HNRNPM: variants seen among roughly 807,000 people sequenced by gnomAD.
HNRNPM encodes the protein CEA receptor.
A neutral mutation model predicts 73.1 loss-of-function variants in HNRNPM; 11 were observed. The ratio of observed to expected loss-of-function variants is 0.15; its 90% CI spans 0.09 to 0.25. The LOEUF is 0.25. HNRNPM is among the 10% of genes least tolerant of loss of function. The probability of loss-of-function intolerance (pLI) is 1.00; values close to 1 mark genes in which losing one functional copy is unlikely to be tolerated. For synonymous variants in HNRNPM, 407 were observed against 355.2 expected, an observed-to-expected ratio of 1.15 and a Z score of -1.64; for missense variants, 789 against 1,067.9, an observed-to-expected ratio of 0.74 and a Z score of 3.64.
intron 11 of HNRNPM, 85 bp from the exon 12 acceptor site, chr19:8,474,082 T>C: frequency 1.0e-6 from 1 of 998,444 alleles, no homozygotes; most frequent in Non-Finnish European, 1.5e-6. Flanking sequence ...GATACCCCAG[T>C]TGAAACATGT....
chr19:8,480,978 G>A (rs1422755119), intron 12 of HNRNPM, among the ~76,000 whole-genome samples: 1 of 152,220 alleles, frequency 6.6e-6, no homozygotes, highest in Non-Finnish European at 1.5e-5. Context: ...TGAGTAAGGT[G>A]ATCTCGTCAG....
At chr19:8,468,156 AGTGATCC>A (rs1969885832) in intron 8 of HNRNPM, among the ~76,000 whole-genome samples, 1 of 152,256 alleles carries the variant, frequency 6.6e-6, no homozygotes, top group Admixed American at 6.5e-5. Flanking sequence ...TGGTTGAGCA[AGTGATCC>A]GTTTCAAAGA....
intron 12 of HNRNPM, among the ~76,000 whole-genome samples, chr19:8,480,343 CAA>C (rs112165621): frequency 2.8e-5 from 3 of 108,642 alleles, no homozygotes; most frequent in Admixed American, 9.6e-5. Context: ...GACTCCATCT[CAA>C]AAAAAAAAAA....
At position 8,467,530 on chromosome 19, in the gene HNRNPM, AC is replaced by A; in HGVS notation, c.785-3del. The A allele has an allele frequency of 6.2e-7, 1 of 1,609,036 alleles. No individual in the cohort carries two copies. The highest frequency in any genetic ancestry group is 2.2e-5 in the East Asian group (1 of 44,834). Reference sequence around the variant, plus strand: ...TGCAAGAAATAGCCTTAATTGTAATACCAGCTATGTTCAATGGCCAGCTGCT... The same window carrying A: ...TGCAAGAAATAGCCTTAATTGTAATACAGCTATGTTCAATGGCCAGCTGCT... On this transcript the variant is annotated splice_polypyrimidine_tract_variant and splice_region_variant and intron_variant, in intron 7 of 15. Transcript: ENST00000325495.
At chr19:8,483,308 A>C in intron 13 of HNRNPM, 97 bp downstream of exon 13, 1 of 912,380 alleles carries the variant, frequency 1.1e-6, no homozygotes, top group Admixed American at 2.0e-5. Context: ...GTTCTGACAC[A>C]GACTGCCCGG....
chr19:8,481,970 T>C (rs1207743992), intron 12 of HNRNPM, among the ~76,000 whole-genome samples: 1 of 27,294 alleles, frequency 3.7e-5, no homozygotes, highest in Non-Finnish European at 9.5e-5. Flanking sequence ...TTGGTGTCTT[T>C]TTTTTTTTTT....
chr19:8,472,279 A>C (rs566396043), intron 10 of HNRNPM, among the ~76,000 whole-genome samples: 1 of 150,856 alleles, frequency 6.6e-6, no homozygotes, highest in African/African-American at 2.4e-5. Context: ...TTTTGATTCT[A>C]TTAAGGAATA....
chr19:8,449,392 A>G (rs1249319770), intron 1 of HNRNPM, among the ~76,000 whole-genome samples: 1 of 152,280 alleles, frequency 6.6e-6, no homozygotes, highest in East Asian at 1.9e-4. Context: ...TATGATGCCT[A>G]GGTTTTCTCA....
intron 12 of HNRNPM, among the ~76,000 whole-genome samples, chr19:8,479,096 T>TTTTTTTTTTTTTTTTTTTC (rs1970722303): frequency 7.9e-6 from 1 of 126,866 alleles, no homozygotes; most frequent in Non-Finnish European, 1.6e-5. Context: ...TTTTTTTTTT[T>TTTTTTTTTTTTTTTTTTTC]TTTTTTCAAG....
chr19:8,470,322 T>C (rs1233085898), intron 9 of HNRNPM, among the ~76,000 whole-genome samples: 1 of 152,206 alleles, frequency 6.6e-6, no homozygotes, highest in African/African-American at 2.4e-5. Flanking sequence ...TTTCTTTCCT[T>C]CCTTTCTTCC....
intron 1 of HNRNPM, among the ~76,000 whole-genome samples, chr19:8,451,095 C>T (rs148140945): frequency 0.011 from 1,622 of 151,940 alleles, 37 homozygotes; most frequent in African/African-American, 0.036. Context: ...TTAGTAGAGA[C>T]GGGGTTTCAC....
At chr19:8,456,064 C>G (rs975906355) in intron 2 of HNRNPM, among the ~76,000 whole-genome samples, 1 of 151,224 alleles carries the variant, frequency 6.6e-6, no homozygotes, top group African/African-American at 2.4e-5. Flanking sequence ...AGATTCCAAA[C>G]TATAAAACAT....
intron 13 of HNRNPM, among the ~76,000 whole-genome samples, chr19:8,483,858 C>G (rs1436855849): frequency 6.6e-6 from 1 of 152,102 alleles, no homozygotes; most frequent in African/African-American, 2.4e-5. Flanking sequence ...CTCAACTTCC[C>G]AGGCCTAAGC....
intron 1 of HNRNPM, among the ~76,000 whole-genome samples, chr19:8,445,995 A>C (rs1001236466): frequency 1.3e-5 from 2 of 152,138 alleles, no homozygotes; most frequent in African/African-American, 4.8e-5. Context: ...TTAAAGGAGG[A>C]AGCATCGACT....
At chr19:8,455,865 T>G (rs1968976996) in intron 2 of HNRNPM, among the ~76,000 whole-genome samples, 1 of 151,912 alleles carries the variant, frequency 6.6e-6, no homozygotes, top group African/African-American at 2.4e-5. Context: ...AAGGCTTCGA[T>G]TAGGCTTCCG....
At chr19:8,460,188 C>T (rs934391890) in intron 2 of HNRNPM, among the ~76,000 whole-genome samples, 1 of 152,160 alleles carries the variant, frequency 6.6e-6, no homozygotes, top group African/African-American at 2.4e-5. Flanking sequence ...CAAATTTTGC[C>T]CTCACATTCT....
intron 9 of HNRNPM, among the ~76,000 whole-genome samples, 171 bp from the exon 10 acceptor site, chr19:8,471,153 GCT>G (rs1416963178): frequency 1.3e-5 from 2 of 150,892 alleles, no homozygotes; most frequent in Non-Finnish European, 2.9e-5. Flanking sequence ...CCGGAACAAG[GCT>G]CTGTTTCCAA....
At position 8,447,955 on chromosome 19, in the gene HNRNPM, G is replaced by A. The variant is rs146138735; in HGVS notation, c.113+2844G>A. 1.6e-3 allele frequency among the ~76,000 whole-genome samples: 251 copies of A among 152,210 alleles called. 9 individuals carry two copies. The East Asian group carries it at 0.038, about 23-fold the overall frequency. ...GCAGGAGAATGGCGTGAACCTGGGA[G>A]GCAGAGCTTGCAGTGAGCCGAGATT... On this transcript the variant is annotated intron_variant, in intron 1 of 15. Coordinates refer to ENST00000325495, the MANE Select transcript of HNRNPM (RefSeq NM_005968.5).
chr19:8,445,280 C>CG, intron 1 of HNRNPM, 169 bp downstream of exon 1: 1 of 529,072 alleles, frequency 1.9e-6, no homozygotes, highest in Non-Finnish European at 3.0e-6. Context: ...AGCGGGGAGC[C>CG]GGGGGAGCCT....
Sources: allele counts gnomAD v4.1 joint callset (sites outside exome capture counted in the v4.1 genomes callset), GRCh38; gene constraint gnomAD v4.1.1; transcripts MANE v1.5; gene names NCBI Gene and HGNC (gene_info 2026-07-23, HGNC 2026-07-21).